The following PNPLA6 variants were observed in gnomAD, a reference collection of about 807,000 sequenced individuals.
PNPLA6 encodes patatin-like phospholipase domain-containing protein 6.
PNPLA6 carries 105 observed loss-of-function variants against 153.7 expected under a neutral mutation model. The observed-to-expected ratio is 0.68, with a 90% CI of 0.58 to 0.80. The LOEUF (loss-of-function observed/expected upper bound fraction) is 0.80. PNPLA6 is among the 30% of genes least tolerant of loss of function. The pLI is 0.00. For synonymous variants in PNPLA6, 825 were observed against 822.2 expected (o/e 1.00, Z -0.06); for missense variants, 1,423 against 1,919.3 (o/e 0.74, Z 4.83).
intron 18 of PNPLA6, among the ~76,000 whole-genome samples, chr19:7,552,764 A>C (rs1339862933): frequency 3.9e-5 from 4 of 102,964 alleles, no homozygotes; most frequent in Non-Finnish European, 7.4e-5. Context: ...TCAAAAAAAA[A>C]AAAAGAAAGA....
Position 7,535,864 on chromosome 19 carries a change from G to A in PNPLA6, c.76G>A (p.Val26Ile), listed in dbSNP as rs1319394454. The A allele has an allele frequency of 6.5e-7, 1 of 1,540,088 alleles. No homozygotes were observed. The highest frequency in any genetic ancestry group is 2.0e-5 in the Admixed American group (1 of 51,060). ...GGCGGAGAGGGATGGGTTCCAGGAC[G>A]TCCTGGCGCCCGGGGAAGGCTCGGC... ...KVAERDGFQD[V>I]LAPGEGSAGR... Residue 26 changes from valine (V) to isoleucine (I), a missense_variant, in exon 1 of 32, where the codon GTC (valine) becomes ATC (isoleucine). By Grantham distance (29) the Val-to-Ile change is conservative. Transcript: ENST00000600737. The surrounding 1 kb of genome is among the most constrained non-coding windows in gnomAD (Gnocchi z 5.0).
Position 7,540,592 on chromosome 19 carries a change from G to T in PNPLA6, c.715-38G>T. The T allele has an allele frequency of 6.7e-7, 1 of 1,501,308 alleles. No homozygotes were observed. Among genetic ancestry groups the T allele is most frequent in the African/African-American group, 1.4e-5 (1 of 72,800 alleles). The allele number at this position is 1,501,308 out of a possible 1,614,324, so 93.0% of individuals were successfully genotyped here. ...AGGGGGCGACATGCCAGTCACCAGGGCGAGGCCACTGAGGGTCCACGGTCT... is the reference window on the plus strand; with the variant it reads ...AGGGGGCGACATGCCAGTCACCAGGTCGAGGCCACTGAGGGTCCACGGTCT... On this transcript the variant is annotated intron_variant, in intron 5 of 31. Coordinates refer to ENST00000600737, the MANE Select transcript of PNPLA6 (RefSeq NM_001166114.2). The surrounding 1 kb of genome is among the most constrained non-coding windows in gnomAD (Gnocchi z 6.8).
chr19:7,534,194 A>C (rs538320338), upstream of PNPLA6: 8 of 349,480 alleles, frequency 2.3e-5, no homozygotes, highest in Admixed American at 3.6e-4. Flanking sequence ...GCCGGGCGGA[A>C]CGCTAGCGGT....
Position 7,540,783 on chromosome 19 carries a change from C to A in PNPLA6, c.795+73C>A. On this transcript the variant is annotated intron_variant, in intron 6 of 31. Transcript: ENST00000600737. The surrounding 1 kb of genome is among the most constrained non-coding windows in gnomAD (Gnocchi z 6.8). ...CCCAAGGGACTAGGTTGAAGGAAAT[C>A]ACAGGGTCCCCAATCTCTGGTTCAT... 1 of 1,543,664 alleles carries A rather than the reference C, an allele frequency of 6.5e-7. No individual in the cohort carries two copies. Among genetic ancestry groups the A allele is most frequent in the South Asian group, 1.1e-5 (1 of 89,622 alleles).
intron 27 of PNPLA6, 116 bp from the exon 28 acceptor site, chr19:7,558,734 A>AG: frequency 1.5e-6 from 1 of 658,356 alleles, no homozygotes; most frequent in Non-Finnish European, 2.6e-6. Flanking sequence ...ATGTGTGGGT[A>AG]TTCTCTCTTT....
chr19:7,556,371 T>A, intron 24 of PNPLA6, 82 bp from the exon 25 acceptor site: 1 of 874,460 alleles, frequency 1.1e-6, no homozygotes, highest in Non-Finnish European at 2.0e-6. Flanking sequence ...CCCTAAGTGC[T>A]GCTTGCTCAC....
Position 7,542,598 on chromosome 19 carries a change from C to T in PNPLA6, c.1290C>T (p.Ala430=), listed in dbSNP as rs763990023. ...GCCCCCGCTCCGACTTCGACATGGC[C>T]TATGAGCGTGGCCGGATCTCCGTGT... ...QGGPRSDFDM[A]YERGRISVSL... is the part of the protein sequence containing the mutation. Residue 430 remains alanine, a synonymous_variant, in exon 11 of 32, where the codon GCC becomes GCT. Coordinates refer to ENST00000600737, the MANE Select transcript of PNPLA6 (RefSeq NM_001166114.2). 5 of 1,613,652 alleles carry T rather than the reference C, an allele frequency of 3.1e-6. No homozygotes were observed. The highest frequency in any genetic ancestry group is 1.1e-5 in the South Asian group (1 of 91,090).
At position 7,554,452 on chromosome 19, in the gene PNPLA6, G is replaced by C. The variant is rs598028; in HGVS notation, c.2466-103G>C. 1,083,251 of 1,385,264 alleles carry C rather than the reference G, an allele frequency of 0.78. 425,459 individuals are homozygous for C. Among genetic ancestry groups the C allele is most frequent in the Admixed American group, 0.87 (48,400 of 55,594 alleles). 85.8% of individuals were successfully genotyped at this position (1,385,264 alleles called of 1,614,324 possible). A position where few individuals can be genotyped will look rare whatever the true frequency, so the allele number is the denominator to read the frequency against. On this transcript the variant is annotated intron_variant, in intron 20 of 31. Coordinates refer to ENST00000600737, the MANE Select transcript of PNPLA6 (RefSeq NM_001166114.2). Reference sequence around the variant, plus strand: ...CGGAGCACGGACTTCCGTGGTGGGGGTTTGGGTGTCTAAGTTCCTCCCAGC... The same window carrying C: ...CGGAGCACGGACTTCCGTGGTGGGGCTTTGGGTGTCTAAGTTCCTCCCAGC...
At chr19:7,545,561 A>G (rs1000765552) in intron 13 of PNPLA6, among the ~76,000 whole-genome samples, 6 of 152,190 alleles carry the variant, frequency 3.9e-5, no homozygotes, top group Non-Finnish European at 8.8e-5. Context: ...AAGAAGAAAG[A>G]AACGTGTTTA....
chr19:7,558,349 G>A (rs2023971625), intron 27 of PNPLA6, among the ~76,000 whole-genome samples: 1 of 152,136 alleles, frequency 6.6e-6, no homozygotes, highest in Non-Finnish European at 1.5e-5. Context: ...AAGCTTTATT[G>A]AGCTGGGCAC....
chr19:7,554,747 C>G (rs752986102), intron 21 of PNPLA6, 24 bp downstream of exon 21: 8 of 1,608,958 alleles, frequency 5.0e-6, no homozygotes, highest in South Asian at 2.2e-5. Context: ...GCCCCCTGAT[C>G]TCACCCACCT....
chr19:7,550,694 A>G (rs2023604486), intron 16 of PNPLA6, 54 bp downstream of exon 16: 6 of 1,599,944 alleles, frequency 3.8e-6, no homozygotes, highest in Non-Finnish European at 5.1e-6. Flanking sequence ...CAGTCCCTCG[A>G]CAACTCACAC....
chr19:7,536,926 C>CAAAAAAAA (rs56310906), intron 3 of PNPLA6, among the ~76,000 whole-genome samples: 4 of 53,962 alleles, frequency 7.4e-5, no homozygotes, highest in Non-Finnish European at 1.4e-4. Flanking sequence ...GACTCTGTCT[C>CAAAAAAAA]AAAAAAAAAA....
At chr19:7,543,538 C>T (rs368004634) in intron 13 of PNPLA6, among the ~76,000 whole-genome samples, 3 of 152,216 alleles carry the variant, frequency 2.0e-5, no homozygotes, top group East Asian at 3.9e-4. Flanking sequence ...TGGCGGCACC[C>T]AGGATGTGTA....
chr19:7,561,732 A>G lies in PNPLA6; in HGVS notation c.*170A>G. The G allele has an allele frequency of 1.4e-6, 1 of 702,590 alleles. No homozygotes were observed. Among genetic ancestry groups the G allele is most frequent in the Non-Finnish European group, 2.6e-6 (1 of 385,568 alleles). 43.5% of individuals were successfully genotyped at this position (702,590 alleles called of 1,614,324 possible). ...GCAGTGTTGCACTGATGACTTGACC[A>G]GCCCCTCCCCCAATAAACTCGCCTC... On this transcript the variant is annotated 3_prime_UTR_variant, in exon 32 of 32. Coordinates refer to ENST00000600737, the MANE Select transcript of PNPLA6 (RefSeq NM_001166114.2).
rs778613851 is a variant in PNPLA6 at position 7,541,537 on chromosome 19, C to T, written c.1021C>T (p.Arg341Cys). Residue 341 changes from arginine (R) to cysteine (C), a missense_variant, in exon 9 of 32, where the codon CGT (arginine) becomes TGT (cysteine). By Grantham distance (180) the Arg-to-Cys change is radical (BLOSUM62 -3). Coordinates refer to ENST00000600737, the MANE Select transcript of PNPLA6 (RefSeq NM_001166114.2). The surrounding 1 kb of genome is among the most constrained non-coding windows in gnomAD (Gnocchi z 5.2). ...ELFSHEIQPL[R>C]LFPSPGLPTR... ...CTGCCCCCAGGAGATCCAGCCCCTG[C>T]GTCTGTTCCCCAGCCCCGGCCTCCC... is the stretch of plus-strand genomic sequence containing the variant. The T allele has an allele frequency of 1.9e-6, 3 of 1,606,766 alleles. No individual in the cohort carries two copies. Among genetic ancestry groups the T allele is most frequent in the South Asian group, 1.1e-5 (1 of 90,040 alleles).
rs903249816 is a variant in PNPLA6 at position 7,556,029 on chromosome 19, T to A, written c.3093+266T>A. On this transcript the variant is annotated intron_variant, in intron 24 of 31. Coordinates refer to ENST00000600737, the MANE Select transcript of PNPLA6 (RefSeq NM_001166114.2). Reference sequence around the variant, plus strand: ...TGACCACCTTGTGGATGGCCTTGGATGACCACATCATCCCTAAGTGTTCCT... The same window carrying A: ...TGACCACCTTGTGGATGGCCTTGGAAGACCACATCATCCCTAAGTGTTCCT... 5.5e-4 allele frequency among the ~76,000 whole-genome samples: 81 copies of A among 147,276 alleles called. 1 individual carries two copies. The highest frequency in any genetic ancestry group is 3.6e-3 in the Middle Eastern group (1 of 280).
intron 28 of PNPLA6, among the ~76,000 whole-genome samples, chr19:7,560,262 C>T (rs1476988500): frequency 6.6e-6 from 1 of 151,978 alleles, no homozygotes. Flanking sequence ...GTGTGATGTC[C>T]CTTGTGGGCT....
rs542633759 is a variant in PNPLA6, at chr19:7,540,419, G to C, written c.714+111G>C. On this transcript the variant is annotated intron_variant, in intron 5 of 31. Coordinates refer to ENST00000600737, the MANE Select transcript of PNPLA6 (RefSeq NM_001166114.2). This position sits in a 1 kb window ranked among gnomAD's most constrained non-coding sequence, Gnocchi z 6.8. ...TGGAGATGCGTCATCGGGAGTCAGG[G>C]GAACGGGTGACCGAGGACATTTGGG... The C allele has an allele frequency of 7.2e-5, 92 of 1,276,272 alleles. No individual in the cohort carries two copies. In the East Asian group the frequency reaches 2.2e-3, roughly 31 times the overall value. 79.1% of individuals were successfully genotyped at this position (1,276,272 alleles called of 1,614,324 possible). A position where few individuals can be genotyped will look rare whatever the true frequency, so the allele number is the denominator to read the frequency against.
Sources: allele counts gnomAD v4.1 joint callset (sites outside exome capture counted in the v4.1 genomes callset), GRCh38; gene constraint gnomAD v4.1.1; non-coding constraint Gnocchi (gnomAD v3.1); transcripts MANE v1.5; gene names NCBI Gene and HGNC (gene_info 2026-07-23, HGNC 2026-07-21).